REDIC1: variants seen among roughly 807,000 people sequenced by gnomAD.
The protein encoded by REDIC1 is HEI10 Interacting Protein 1.
At chr12:39,843,600 T>C in the REDIC1 span, among the ~76,000 whole-genome samples, 53 of 152,218 alleles carry the variant, frequency 3.5e-4, 1 homozygote, top group South Asian at 2.1e-4. Context: ...GATGTGGCCA[T>C]ACAATGAGAG....
the REDIC1 span, among the ~76,000 whole-genome samples, chr12:39,712,467 T>TATATACATAC: frequency 7.2e-6 from 1 of 139,086 alleles, no homozygotes; most frequent in African/African-American, 2.7e-5. Context: ...TATATACGTA[T>TATATACATAC]GTATATATAC....
At chr12:39,782,648 A>T in the REDIC1 span, among the ~76,000 whole-genome samples, 1 of 152,216 alleles carries the variant, frequency 6.6e-6, no homozygotes, top group Non-Finnish European at 1.5e-5. Context: ...GAAAATGTGA[A>T]CTTGACATTG....
chr12:39,886,485 T>C, the REDIC1 span, among the ~76,000 whole-genome samples: 4 of 152,182 alleles, frequency 2.6e-5, no homozygotes, highest in Non-Finnish European at 5.9e-5. Context: ...TCAGTCAGCA[T>C]ACATTTATTT....
chr12:39,631,165 C>T, the REDIC1 span, among the ~76,000 whole-genome samples: 1 of 152,134 alleles, frequency 6.6e-6, no homozygotes, highest in Admixed American at 6.5e-5. Flanking sequence ...GCTGGGATTA[C>T]AGGCGCGAGC....
the REDIC1 span, among the ~76,000 whole-genome samples, chr12:39,704,556 G>T: frequency 8.5e-5 from 13 of 152,072 alleles, no homozygotes; most frequent in Admixed American, 3.3e-4. Flanking sequence ...ATTTGACCCA[G>T]CCATCCCATT....
chr12:39,627,856 A>C, the REDIC1 span, among the ~76,000 whole-genome samples: 2 of 152,202 alleles, frequency 1.3e-5, no homozygotes, highest in Non-Finnish European at 2.9e-5. Flanking sequence ...GAACAAAGAA[A>C]AGGGTGGGGA....
chr12:39,646,507 AT>A, the REDIC1 span: 1 of 1,492,020 alleles, frequency 6.7e-7, no homozygotes, highest in Non-Finnish European at 9.0e-7. Context: ...TAAACTGGTT[AT>A]TAACAACACT....
chr12:39,707,000 C>G, the REDIC1 span, among the ~76,000 whole-genome samples: 1 of 151,632 alleles, frequency 6.6e-6, no homozygotes, highest in South Asian at 2.1e-4. Context: ...AATGGACAAA[C>G]AGGATCACAT....
chr12:39,700,163 C>G, the REDIC1 span, among the ~76,000 whole-genome samples: 30 of 152,174 alleles, frequency 2.0e-4, no homozygotes, highest in African/African-American at 7.0e-4. Context: ...GACATTCAAA[C>G]CAAAGGCAAA....
At chr12:39,633,827 C>T in the REDIC1 span, among the ~76,000 whole-genome samples, 8 of 152,278 alleles carry the variant, frequency 5.3e-5, no homozygotes, top group East Asian at 1.4e-3. Context: ...TGAAACTTAA[C>T]TGTAAGCGTT....
chr12:39,630,366 G>T, the REDIC1 span, among the ~76,000 whole-genome samples: 2 of 151,968 alleles, frequency 1.3e-5, no homozygotes, highest in Non-Finnish European at 2.9e-5. Context: ...ATTCAGATTG[G>T]GGAATCAATC....
At chr12:39,766,691 C>T in the REDIC1 span, among the ~76,000 whole-genome samples, 3 of 152,070 alleles carry the variant, frequency 2.0e-5, no homozygotes, top group Non-Finnish European at 2.9e-5. Flanking sequence ...CAACTAAGTT[C>T]GTGTGATACT....
chr12:39,712,933 G>C, the REDIC1 span, among the ~76,000 whole-genome samples: 1 of 145,608 alleles, frequency 6.9e-6, no homozygotes, highest in African/African-American at 2.5e-5. Context: ...GCATATACGT[G>C]TATATACGTG....
the REDIC1 span, among the ~76,000 whole-genome samples, chr12:39,826,883 G>GTTTTT: frequency 6.9e-5 from 3 of 43,180 alleles, no homozygotes; most frequent in Admixed American, 2.5e-4. Flanking sequence ...GCAATGCAAG[G>GTTTTT]TTCTTTATGT....
the REDIC1 span, chr12:39,764,747 G>C: frequency 6.2e-7 from 1 of 1,612,574 alleles, no homozygotes; most frequent in Non-Finnish European, 8.5e-7. Flanking sequence ...CAGGTGCAAA[G>C]AAGACAAGAT....
At chr12:39,749,215 C>G in the REDIC1 span, among the ~76,000 whole-genome samples, 1 of 152,110 alleles carries the variant, frequency 6.6e-6, no homozygotes, top group East Asian at 1.9e-4. Flanking sequence ...CAAATAGACA[C>G]AACAAAAAAT....
the REDIC1 span, among the ~76,000 whole-genome samples, chr12:39,807,282 T>A: frequency 6.6e-6 from 1 of 152,156 alleles, no homozygotes; most frequent in East Asian, 1.9e-4. Context: ...ATATCTTGAC[T>A]GTACTGGTGG....
the REDIC1 span, among the ~76,000 whole-genome samples, chr12:39,834,350 T>C: frequency 2.0e-5 from 3 of 152,188 alleles, no homozygotes; most frequent in South Asian, 4.1e-4. Context: ...TCCATATCTG[T>C]CCTCACCTCT....
chr12:39,729,151 T>G, the REDIC1 span, among the ~76,000 whole-genome samples: 1 of 152,182 alleles, frequency 6.6e-6, no homozygotes, highest in Non-Finnish European at 1.5e-5. Context: ...TTCATGTCTC[T>G]ATCTCCTTTA....
Sources: allele counts gnomAD v4.1 joint callset (sites outside exome capture counted in the v4.1 genomes callset), GRCh38; gene constraint gnomAD v4.1.1; transcripts MANE v1.5; gene names NCBI Gene and HGNC (gene_info 2026-07-23, HGNC 2026-07-21).